KCNU1: variants seen among roughly 807,000 people sequenced by gnomAD.
KCNU1 encodes potassium calcium-activated channel subfamily U member 1.
Under a neutral mutation model 126.8 loss-of-function variants are expected in KCNU1, and 93 were observed. That is an observed-to-expected ratio of 0.73 (90% CI 0.62 to 0.87). The LOEUF (loss-of-function observed/expected upper bound fraction) is 0.87, where lower values mean the gene tolerates loss of function less well. KCNU1 is among the 40% of genes least tolerant of loss of function. The pLI is 0.00. For missense variants in KCNU1, 1,330 were observed against 1,367.1 expected, an observed-to-expected ratio of 0.97 and a Z score of 0.43; for synonymous variants, 523 against 494.2, an observed-to-expected ratio of 1.06 and a Z score of -0.77.
At chr8:36,846,600 A>G (rs1035136583) in intron 18 of KCNU1, among the ~76,000 whole-genome samples, 7 of 152,064 alleles carry the variant, frequency 4.6e-5, no homozygotes, top group South Asian at 2.1e-4. Context: ...TCAGGAATTC[A>G]AGACCAGCCT....
intron 19 of KCNU1, among the ~76,000 whole-genome samples, chr8:36,887,631 G>A: frequency 6.6e-6 from 1 of 152,032 alleles, no homozygotes; most frequent in Admixed American, 6.6e-5. Context: ...TCAGTCTCTT[G>A]TCCAATAAAA....
At chr8:36,803,607 T>C (rs1803389808) in intron 2 of KCNU1, among the ~76,000 whole-genome samples, 1 of 152,156 alleles carries the variant, frequency 6.6e-6, no homozygotes, top group Non-Finnish European at 1.5e-5. Context: ...AAATCCAGGG[T>C]CTATTTCCAA....
chr8:36,873,834 A>G (rs1806188997), intron 19 of KCNU1, among the ~76,000 whole-genome samples: 1 of 152,222 alleles, frequency 6.6e-6, no homozygotes, highest in Non-Finnish European at 1.5e-5. Context: ...AACATGCTGG[A>G]AGATTGTGCT....
intron 23 of KCNU1, among the ~76,000 whole-genome samples, chr8:36,920,188 T>A (rs1808287778): frequency 6.6e-6 from 1 of 152,160 alleles, no homozygotes; most frequent in Non-Finnish European, 1.5e-5. Context: ...CATAACTCAC[T>A]CACTCTCCAC....
intron 18 of KCNU1, among the ~76,000 whole-genome samples, chr8:36,852,017 A>G (rs187675413): frequency 1.3e-5 from 2 of 152,258 alleles, no homozygotes. Flanking sequence ...TGAATTTTTC[A>G]TAGATGCTCT....
intron 2 of KCNU1, among the ~76,000 whole-genome samples, chr8:36,799,597 C>A (rs1021689310): frequency 1.3e-5 from 2 of 151,694 alleles, no homozygotes; most frequent in African/African-American, 4.8e-5. Context: ...TGCAGTGGTG[C>A]AATCTCGGCT....
intron 10 of KCNU1, among the ~76,000 whole-genome samples, chr8:36,821,498 G>T (rs1321011701): frequency 6.6e-6 from 1 of 152,098 alleles, no homozygotes; most frequent in East Asian, 1.9e-4. Context: ...GTATTTAGGA[G>T]CCCCCATCCA....
intron 1 of KCNU1, among the ~76,000 whole-genome samples, chr8:36,785,011 T>A (rs549373446): frequency 2.0e-5 from 3 of 152,372 alleles, no homozygotes; most frequent in African/African-American, 7.2e-5. Context: ...TCATAAATTG[T>A]TCATGCATAA....
At chr8:36,930,511 G>A (rs141697531) in intron 24 of KCNU1, among the ~76,000 whole-genome samples, 2 of 152,202 alleles carry the variant, frequency 1.3e-5, no homozygotes, top group African/African-American at 4.8e-5. Context: ...CATCCACAAG[G>A]CTCAAGTATA....
chr8:36,837,799 T>A (rs1243125108), intron 14 of KCNU1, among the ~76,000 whole-genome samples: 1 of 152,206 alleles, frequency 6.6e-6, no homozygotes, highest in Admixed American at 6.5e-5. Flanking sequence ...CTGGTCTTCC[T>A]TTTCTAAAGT....
In KCNU1 at chr8:36,823,564, A is replaced by G. The variant is rs1804205972; in HGVS notation, c.1106+5804A>G. On this transcript the variant is annotated intron_variant, in intron 10 of 26. Transcript: ENST00000399881. ...TAAAAGTGTATAAGGATAACAGTAT[A>G]TTTCCTCAAAATTTTATTTTCAATC... 2.6e-5 allele frequency among the ~76,000 whole-genome samples: 4 copies of G among 152,022 alleles called. 1 individual carries two copies. In the South Asian group the frequency reaches 8.3e-4, roughly 31 times the overall value.
intron 26 of KCNU1, among the ~76,000 whole-genome samples, chr8:36,934,523 T>C (rs912117506): frequency 6.6e-6 from 1 of 152,030 alleles, no homozygotes; most frequent in Non-Finnish European, 1.5e-5. Context: ...ACATGATAAC[T>C]GGGAAAATAT....
chr8:36,836,974 G>A (rs995159421), intron 14 of KCNU1, 29 bp downstream of exon 14: 19 of 1,611,314 alleles, frequency 1.2e-5, no homozygotes, highest in Admixed American at 3.3e-5. Context: ...GTTGATTCTT[G>A]GCTCTGTTCC....
chr8:36,901,510 A>G (rs1807417873), intron 19 of KCNU1, among the ~76,000 whole-genome samples: 1 of 152,084 alleles, frequency 6.6e-6, no homozygotes. Context: ...TCTGCTCATG[A>G]GACACAGTCT....
intron 25 of KCNU1, among the ~76,000 whole-genome samples, chr8:36,932,667 C>A (rs1441426396): frequency 1.5e-5 from 2 of 135,162 alleles, no homozygotes; most frequent in African/African-American, 5.0e-5. Flanking sequence ...AGGACAAGCA[C>A]AACAACATGT....
intron 2 of KCNU1, among the ~76,000 whole-genome samples, chr8:36,798,765 A>G (rs1803197277): frequency 6.6e-6 from 1 of 152,120 alleles, no homozygotes; most frequent in South Asian, 2.1e-4. Flanking sequence ...GCCTTTCTGG[A>G]CTAAAGCAAT....
chr8:36,928,977 A>G, intron 24 of KCNU1: 1 of 698,752 alleles, frequency 1.4e-6, no homozygotes, highest in East Asian at 2.7e-5. Context: ...AGAAGCAATG[A>G]TAAAGAAAAC....
intron 2 of KCNU1, among the ~76,000 whole-genome samples, chr8:36,789,447 T>TTA (rs892253268): frequency 2.0e-5 from 3 of 152,186 alleles, no homozygotes; most frequent in African/African-American, 7.2e-5. Context: ...TTAAAATGTC[T>TTA]TATAGTTCCT....
intron 18 of KCNU1, among the ~76,000 whole-genome samples, chr8:36,859,805 T>G (rs1032456353): frequency 2.0e-5 from 3 of 152,132 alleles, no homozygotes; most frequent in Non-Finnish European, 4.4e-5. Flanking sequence ...TGCTTCAGAG[T>G]TTTTTGAAAT....
Sources: gnomAD v4.1 joint callset for allele counts (sites outside exome capture counted in the v4.1 genomes callset) on GRCh38, gnomAD v4.1.1 for gene constraint, MANE v1.5 for transcripts, NCBI Gene and HGNC (gene_info 2026-07-23, HGNC 2026-07-21) for gene names.